Variants in DDX10 observed in about 807,000 individuals in gnomAD.
DDX10 encodes probable ATP-dependent RNA helicase DDX10.
Under a neutral mutation model 104.3 loss-of-function variants are expected in DDX10, and 74 were observed. The observed-to-expected ratio is 0.71, with a 90% CI of 0.59 to 0.86. The LOEUF is 0.86. Ranked by LOEUF, DDX10 falls within the 40% of genes least tolerant of loss-of-function variation. The pLI is 0.00. For missense variants in DDX10, 952 were observed against 1,040.0 expected (o/e 0.92, Z 1.16); for synonymous variants, 351 against 353.4 (o/e 0.99, Z 0.08).
chr11:108,855,074 T>C (rs1234317117), intron 16 of DDX10, among the ~76,000 whole-genome samples: 1 of 152,182 alleles, frequency 6.6e-6, no homozygotes, highest in Non-Finnish European at 1.5e-5. Context: ...AATATAGGTC[T>C]TTTGGGTATC....
intron 12 of DDX10, 106 bp from the exon 13 acceptor site, chr11:108,722,891 T>G: frequency 1.4e-6 from 2 of 1,441,978 alleles, no homozygotes; most frequent in Non-Finnish European, 1.8e-6. Flanking sequence ...GAACATTTTC[T>G]TTAAAAAAGC....
At chr11:108,752,148 C>T (rs78756922) in intron 13 of DDX10, among the ~76,000 whole-genome samples, 41 of 152,212 alleles carry the variant, frequency 2.7e-4, no homozygotes, top group Non-Finnish European at 5.0e-4. Context: ...AAGGTACTGA[C>T]GTCGTGAAGT....
chr11:108,940,054 G>A (rs556494844), intron 17 of DDX10, among the ~76,000 whole-genome samples, 192 bp from the exon 18 acceptor site: 35 of 152,286 alleles, frequency 2.3e-4, no homozygotes, highest in African/African-American at 7.5e-4. Context: ...TACCTTGCAT[G>A]TGCCTGGTGC....
chr11:108,711,974 G>A (rs1380181876), intron 10 of DDX10, among the ~76,000 whole-genome samples: 1 of 152,150 alleles, frequency 6.6e-6, no homozygotes, highest in Non-Finnish European at 1.5e-5. Context: ...GCCTCACATA[G>A]TTTGATGCTG....
At chr11:108,818,675 A>G (rs1206914733) in intron 13 of DDX10, among the ~76,000 whole-genome samples, 1 of 152,248 alleles carries the variant, frequency 6.6e-6, no homozygotes, top group Non-Finnish European at 1.5e-5. Context: ...GTACGGTACA[A>G]ATAACCAAAG....
chr11:108,736,559 A>T (rs902647259), intron 13 of DDX10, among the ~76,000 whole-genome samples: 1 of 152,168 alleles, frequency 6.6e-6, no homozygotes, highest in Admixed American at 6.5e-5. Flanking sequence ...GTGGAATAGT[A>T]TTAAGAGGTT....
intron 13 of DDX10, among the ~76,000 whole-genome samples, chr11:108,725,965 A>AG: frequency 6.6e-6 from 1 of 152,124 alleles, no homozygotes; most frequent in South Asian, 2.1e-4. Flanking sequence ...TATAATGCTA[A>AG]GTAAGGGTCA....
At chr11:108,898,218 CA>C (rs545728229) in intron 16 of DDX10, among the ~76,000 whole-genome samples, 103 of 151,982 alleles carry the variant, frequency 6.8e-4, no homozygotes, top group African/African-American at 2.5e-3. Context: ...ACTAACCAGA[CA>C]AAAAGAATCG....
intron 13 of DDX10, among the ~76,000 whole-genome samples, chr11:108,728,677 G>A (rs1375139709): frequency 9.2e-5 from 14 of 151,738 alleles, no homozygotes; most frequent in Admixed American, 9.2e-4. Context: ...ACCATGCCTG[G>A]GTAATTTTTA....
intron 13 of DDX10, among the ~76,000 whole-genome samples, chr11:108,745,810 C>G (rs1052947621): frequency 2.0e-5 from 3 of 152,104 alleles, no homozygotes; most frequent in African/African-American, 7.2e-5. Flanking sequence ...ACCTTGAGGA[C>G]CTGATATGAC....
In DDX10 at chr11:108,841,380, A is replaced by G. The variant is rs1166843984; in HGVS notation, c.2151A>G (p.Thr717=). 6.2e-7 allele frequency: 1 copy of G among 1,613,614 alleles called. No homozygotes were observed. Among genetic ancestry groups the G allele is most frequent in the East Asian group, 2.2e-5 (1 of 44,860 alleles). ...AIKDAEEDDD[T]GGINLHKAKE... is the part of the protein sequence containing the mutation. ...AGGATGCTGAGGAAGATGATGACAC[A>G]GGTGGTATCAACTTACATAAAGCAA... The change falls in exon 15 of 18, where the codon ACA becomes ACG. Residue 717 remains threonine (T), a synonymous_variant. Coordinates refer to ENST00000322536, the MANE Select transcript of DDX10 (RefSeq NM_004398.4).
At chr11:108,813,072 G>C (rs2134569932) in intron 13 of DDX10, among the ~76,000 whole-genome samples, 1 of 149,284 alleles carries the variant, frequency 6.7e-6, no homozygotes. Flanking sequence ...GCATGTTTTT[G>C]AAAACAGAAA....
intron 13 of DDX10, among the ~76,000 whole-genome samples, chr11:108,740,650 TA>T (rs1217418664): frequency 6.6e-6 from 1 of 151,916 alleles, no homozygotes; most frequent in Non-Finnish European, 1.5e-5. Flanking sequence ...CAGTGTCTGT[TA>T]TTTTTTTTTA....
intron 13 of DDX10, among the ~76,000 whole-genome samples, chr11:108,781,523 T>A (rs2094378102): frequency 6.6e-6 from 1 of 152,322 alleles, no homozygotes; most frequent in South Asian, 2.1e-4. Flanking sequence ...TACTGAACTA[T>A]ATGGAGGGAT....
intron 13 of DDX10, among the ~76,000 whole-genome samples, chr11:108,833,637 C>G (rs1433657473): frequency 1.3e-5 from 2 of 152,182 alleles, no homozygotes; most frequent in African/African-American, 4.8e-5. Flanking sequence ...CAATATAAAC[C>G]ATAAAAGGCA....
intron 13 of DDX10, among the ~76,000 whole-genome samples, chr11:108,793,084 T>A (rs1029659783): frequency 6.6e-6 from 1 of 152,168 alleles, no homozygotes; most frequent in African/African-American, 2.4e-5. Context: ...ATTAAAGATA[T>A]GCGTCGTAGG....
chr11:108,684,789 A>G (rs1300033575), intron 6 of DDX10, among the ~76,000 whole-genome samples: 1 of 148,730 alleles, frequency 6.7e-6, no homozygotes, highest in African/African-American at 2.5e-5. Flanking sequence ...GACTTCCACA[A>G]TGGTTGAACT....
intron 16 of DDX10, among the ~76,000 whole-genome samples, chr11:108,916,789 T>C (rs982237395): frequency 8.5e-5 from 13 of 152,306 alleles, no homozygotes; most frequent in Admixed American, 8.5e-4. Context: ...TGTCGTGTGA[T>C]GTTCATAACA....
intron 17 of DDX10, among the ~76,000 whole-genome samples, chr11:108,923,935 G>A (rs770942239): frequency 5.3e-5 from 8 of 152,080 alleles, no homozygotes; most frequent in East Asian, 1.9e-4. Context: ...ACCGTATTCC[G>A]TTTAAACTCT....
Sources: allele counts gnomAD v4.1 joint callset (sites outside exome capture counted in the v4.1 genomes callset), GRCh38; gene constraint gnomAD v4.1.1; transcripts MANE v1.5; gene names NCBI Gene and HGNC (gene_info 2026-07-23, HGNC 2026-07-21).